Variants in DIO1 observed in about 807,000 individuals in gnomAD.
The protein encoded by DIO1 is type I iodothyronine deiodinase.
In DIO1, 17 loss-of-function variants were observed where a neutral mutation model predicts 25.9. The ratio of observed to expected loss-of-function variants is 0.66; its 90% confidence interval spans 0.45 to 0.98. DIO1 has a LOEUF of 0.98. DIO1 is among the 50% of genes least tolerant of loss of function. The pLI is 0.00. For synonymous variants in DIO1, 115 were observed against 114.0 expected, an observed-to-expected ratio of 1.01 and a Z score of -0.05; for missense variants, 270 against 310.4, an observed-to-expected ratio of 0.87 and a Z score of 0.98.
chr1:53,907,221 T>A (rs1277648700), intron 3 of DIO1, among the ~76,000 whole-genome samples: 3 of 152,196 alleles, frequency 2.0e-5, no homozygotes, highest in African/African-American at 7.2e-5. Context: ...TTGTGATTGC[T>A]TCCTCTCAAA....
chr1:53,904,905 G>A, intron 2 of DIO1, 96 bp downstream of exon 2: 3 of 1,377,014 alleles, frequency 2.2e-6, no homozygotes, highest in Non-Finnish European at 3.0e-6. Flanking sequence ...GGTGGAAGGA[G>A]GAAGAGGAGG....
intron 3 of DIO1, among the ~76,000 whole-genome samples, chr1:53,909,576 T>C (rs1191649557): frequency 1.3e-5 from 2 of 152,190 alleles, no homozygotes; most frequent in Non-Finnish European, 2.9e-5. Flanking sequence ...GAGATGGTTC[T>C]GAGGTAGGAT....
At chr1:53,902,386 C>G (rs1651413571) in intron 1 of DIO1, among the ~76,000 whole-genome samples, 1 of 151,906 alleles carries the variant, frequency 6.6e-6, no homozygotes, top group Non-Finnish European at 1.5e-5. Context: ...TGCACACAGC[C>G]AGAGAGCTGC....
chr1:53,902,424 T>C (rs568388366), intron 1 of DIO1, among the ~76,000 whole-genome samples: 9 of 151,920 alleles, frequency 5.9e-5, no homozygotes, highest in Non-Finnish European at 1.3e-4. Context: ...GAATCCCCAG[T>C]GTGTGGCAGG....
Position 53,910,159 on chromosome 1 carries a change from C to A in DIO1, c.*160C>A. The A allele has an allele frequency of 1.6e-6, 1 of 644,272 alleles. No homozygotes were observed. The highest frequency in any genetic ancestry group is 2.8e-6 in the Non-Finnish European group (1 of 358,508). The allele number at this position is 644,272 out of a possible 1,614,324, so 39.9% of individuals were successfully genotyped here. ...GCAAACAACTCCCAGCTGAGGAATG[C>A]AGGCCACAGCACCCAATCAAGACAA... On this transcript the variant is annotated 3_prime_UTR_variant, in exon 4 of 4. Coordinates refer to ENST00000361921, the MANE Select transcript of DIO1 (RefSeq NM_000792.7).
chr1:53,900,315 A>C (rs1485216614), intron 1 of DIO1, among the ~76,000 whole-genome samples: 1 of 152,216 alleles, frequency 6.6e-6, no homozygotes, highest in Non-Finnish European at 1.5e-5. Flanking sequence ...TGATTAAAAA[A>C]AATTCTGGCC....
Position 53,904,693 on chromosome 1 carries a change from G to C in DIO1, c.365G>C (p.Gly122Ala). 6.2e-7 allele frequency: 1 copy of C among 1,613,582 alleles called. No individual in the cohort carries two copies. The highest frequency in any genetic ancestry group is 1.1e-5 in the South Asian group (1 of 90,914). ...QGNRPLVLNF[G>A]SCTUPSFMFK... ...AATAGGCCACTGGTGCTGAATTTTGGAAGTTGTACCTGACCTTCATTTATG... is the reference window on the plus strand; with the variant it reads ...AATAGGCCACTGGTGCTGAATTTTGCAAGTTGTACCTGACCTTCATTTATG... The change falls in exon 2 of 4, where the codon GGA (glycine) becomes GCA (alanine). Residue 122 changes from glycine to alanine, a missense_variant. Physicochemically the swap from Gly to Ala is moderately conservative, Grantham distance 60. Transcript: ENST00000361921.
rs940161277 is a variant in DIO1, at chr1:53,894,615, G to T, written c.337+68G>T. 6 of 1,414,814 alleles carry T rather than the reference G, an allele frequency of 4.2e-6. No individual in the cohort carries two copies. The African/African-American group carries it at 7.1e-5, about 17-fold the overall frequency. 87.6% of individuals were successfully genotyped at this position (1,414,814 alleles called of 1,614,324 possible). ...GTGGTAGAGGGGGATGAAGAGATGG[G>T]TTGGAAAGTCCTGAATTCTCCTACT... On this transcript the variant is annotated intron_variant, in intron 1 of 3. Transcript: ENST00000361921. This position sits in a 1 kb window ranked among gnomAD's most constrained non-coding sequence, Gnocchi z 4.9.
intron 2 of DIO1, 142 bp from the exon 3 acceptor site, chr1:53,905,953 C>T (rs1174982123): frequency 5.5e-6 from 4 of 725,510 alleles, no homozygotes; most frequent in Non-Finnish European, 9.3e-6. Context: ...CGTGACCTTG[C>T]ACATTCAACC....
intron 3 of DIO1, among the ~76,000 whole-genome samples, chr1:53,909,002 G>A (rs571201969): frequency 4.2e-4 from 64 of 152,048 alleles, no homozygotes; most frequent in African/African-American, 1.4e-3. Context: ...GCTGAGGCAC[G>A]AGAATTGTTT....
Position 53,904,673 on chromosome 1 carries a change from G to A in DIO1, c.345G>A (p.Arg115=). 1.2e-6 allele frequency: 2 copies of A among 1,613,472 alleles called. No individual in the cohort carries two copies. The highest frequency in any genetic ancestry group is 1.7e-6 in the Non-Finnish European group (2 of 1,179,730). ...CNIWEFMQGN[R]PLVLNFGSCT... ...TGGTTGTTGCTGTTTCAGGTAATAGGCCACTGGTGCTGAATTTTGGAAGTT... is the reference window on the plus strand; with the variant it reads ...TGGTTGTTGCTGTTTCAGGTAATAGACCACTGGTGCTGAATTTTGGAAGTT... The change falls in exon 2 of 4, where the codon AGG becomes AGA. Residue 115 remains arginine, a synonymous_variant. Transcript: ENST00000361921.
chr1:53,898,390 A>T (rs1651187793), intron 1 of DIO1, among the ~76,000 whole-genome samples: 1 of 152,244 alleles, frequency 6.6e-6, no homozygotes, highest in South Asian at 2.1e-4. Flanking sequence ...TTATCCTGAG[A>T]GTACTGGTGA....
rs1312074141 is a variant in DIO1 at position 53,909,811 on chromosome 1, C to T, written c.682-120C>T. ...TGCATCTGCCATTGAATTAGCCATG[C>T]TGATGGCTCCTACACAGACATCATT... On this transcript the variant is annotated intron_variant, in intron 3 of 3. Transcript: ENST00000361921. 1.8e-5 allele frequency: 16 copies of T among 895,376 alleles called. 1 individual carries two copies. The East Asian group carries it at 3.9e-4, about 22-fold the overall frequency. The allele number at this position is 895,376 out of a possible 1,614,324, so 55.5% of individuals were successfully genotyped here. A position where few individuals can be genotyped will look rare whatever the true frequency, so the allele number is the denominator to read the frequency against.
chr1:53,909,419 A>G (rs1651827158), intron 3 of DIO1, among the ~76,000 whole-genome samples: 1 of 152,176 alleles, frequency 6.6e-6, no homozygotes, highest in Admixed American at 6.5e-5. Flanking sequence ...CTGTCTCAAA[A>G]AAAAAAGAAA....
At chr1:53,896,210 C>A (rs918216731) in intron 1 of DIO1, among the ~76,000 whole-genome samples, 1 of 103,576 alleles carries the variant, frequency 9.7e-6, no homozygotes. Flanking sequence ...TTCTTTTTCT[C>A]TTTTTTTTTT....
intron 2 of DIO1, 110 bp downstream of exon 2, chr1:53,904,919 G>A: frequency 8.0e-7 from 1 of 1,245,762 alleles, no homozygotes; most frequent in Non-Finnish European, 1.1e-6. Context: ...GAGGAGGGGA[G>A]AGGGAAAGAG....
chr1:53,899,767 C>G (rs971860091), intron 1 of DIO1, among the ~76,000 whole-genome samples: 5 of 152,164 alleles, frequency 3.3e-5, no homozygotes, highest in Admixed American at 1.3e-4. Context: ...AGCCTCATTC[C>G]TGGGCTCAAG....
At chr1:53,898,007 C>T (rs950883753) in intron 1 of DIO1, among the ~76,000 whole-genome samples, 3 of 152,120 alleles carry the variant, frequency 2.0e-5, no homozygotes, top group African/African-American at 7.2e-5. Context: ...AAATAAACAC[C>T]ATGGGCCTCT....
chr1:53,903,954 C>T (rs1015235075), intron 1 of DIO1, among the ~76,000 whole-genome samples: 2 of 151,938 alleles, frequency 1.3e-5, no homozygotes, highest in East Asian at 3.8e-4. Flanking sequence ...GCAAATTATG[C>T]AGCTGGTCCT....
Sources: allele counts gnomAD v4.1 joint callset (sites outside exome capture counted in the v4.1 genomes callset), GRCh38; gene constraint gnomAD v4.1.1; non-coding constraint Gnocchi (gnomAD v3.1); transcripts MANE v1.5; gene names NCBI Gene and HGNC (gene_info 2026-07-23, HGNC 2026-07-21).